TMEFF1: variants seen among roughly 807,000 people sequenced by gnomAD.
The protein encoded by TMEFF1 is transmembrane protein with EGF like and two follistatin like domains 1.
TMEFF1 carries 20 observed loss-of-function variants against 47.5 expected under a neutral mutation model. The ratio of observed to expected loss-of-function variants is 0.42; its 90% confidence interval spans 0.30 to 0.61. The LOEUF (loss-of-function observed/expected upper bound fraction) is 0.61, where lower values mean the gene tolerates loss of function less well. TMEFF1 is among the 20% of genes least tolerant of loss of function. The pLI, the probability that TMEFF1 is intolerant of heterozygous loss-of-function variation, is 0.19. For missense variants in TMEFF1, 411 were observed against 471.1 expected (o/e 0.87, Z 1.18); for synonymous variants, 162 against 166.3 (o/e 0.97, Z 0.20).
intron 3 of TMEFF1, among the ~76,000 whole-genome samples, chr9:100,510,013 A>G (rs748293408): frequency 2.0e-5 from 3 of 152,150 alleles, no homozygotes; most frequent in East Asian, 1.9e-4. Context: ...GAATTATTAT[A>G]TCAAGGTTAG....
chr9:100,547,412 G>C (rs1186528795), intron 5 of TMEFF1, among the ~76,000 whole-genome samples: 1 of 152,106 alleles, frequency 6.6e-6, no homozygotes, highest in Non-Finnish European at 1.5e-5. Context: ...ATTTAGATTT[G>C]TGACTATTGA....
At chr9:100,517,327 A>G (rs1209049285) in intron 5 of TMEFF1, among the ~76,000 whole-genome samples, 1 of 152,200 alleles carries the variant, frequency 6.6e-6, no homozygotes, top group Non-Finnish European at 1.5e-5. Context: ...ACCTGGGAGC[A>G]TAAATGGATC....
At chr9:100,505,084 G>A (rs1837831075) in intron 2 of TMEFF1, among the ~76,000 whole-genome samples, 1 of 152,132 alleles carries the variant, frequency 6.6e-6, no homozygotes, top group Non-Finnish European at 1.5e-5. Context: ...GTCATCAGAT[G>A]TTTGTGTCTG....
chr9:100,516,883 T>A, intron 5 of TMEFF1, 112 bp downstream of exon 5: 4 of 1,052,548 alleles, frequency 3.8e-6, no homozygotes, highest in Middle Eastern at 2.7e-4. Context: ...TGTTTTCAAA[T>A]TTTTTTTTTG....
chr9:100,519,491 G>A lies in TMEFF1; in HGVS notation c.560+2720G>A, dbSNP rs543353136. ...TCACTTCAAAGATGAAATCATTGAC[G>A]ACTAAAGTCAGAGGGTTTGATGTGG... On this transcript the variant is annotated intron_variant, in intron 5 of 9. Transcript: ENST00000374879. 2.0e-5 allele frequency among the ~76,000 whole-genome samples: 3 copies of A among 151,926 alleles called. No homozygotes were observed. In the South Asian group the frequency reaches 6.3e-4, roughly 32 times the overall value.
chr9:100,540,087 C>T (rs1838600240), intron 5 of TMEFF1, among the ~76,000 whole-genome samples: 1 of 152,108 alleles, frequency 6.6e-6, no homozygotes, highest in Admixed American at 6.5e-5. Context: ...TTTAGCTAGA[C>T]AGAAAAGTTC....
At chr9:100,546,155 A>G (rs1358292552) in intron 5 of TMEFF1, among the ~76,000 whole-genome samples, 5 of 152,136 alleles carry the variant, frequency 3.3e-5, no homozygotes, top group African/African-American at 1.2e-4. Context: ...AGTTTATTGT[A>G]TTAATCTGTT....
At chr9:100,527,297 C>A (rs1838280453) in intron 5 of TMEFF1, among the ~76,000 whole-genome samples, 1 of 152,206 alleles carries the variant, frequency 6.6e-6, no homozygotes, top group African/African-American at 2.4e-5. Context: ...CCACGCAGAA[C>A]ACGGTGATTT....
intron 5 of TMEFF1, among the ~76,000 whole-genome samples, chr9:100,529,038 T>C (rs879747406): frequency 0.049 from 7,374 of 149,680 alleles, 244 homozygotes; most frequent in Middle Eastern, 0.083. Context: ...GACAAGCAAA[T>C]GCTGAGAGAT....
chr9:100,519,365 G>A (rs537815941), intron 5 of TMEFF1, among the ~76,000 whole-genome samples: 198 of 151,996 alleles, frequency 1.3e-3, no homozygotes, highest in African/African-American at 4.6e-3. Context: ...CCAAGATTGC[G>A]CCACTGTACT....
In TMEFF1 at chr9:100,525,565, C is replaced by G. The variant is rs187044641; in HGVS notation, c.560+8794C>G. ...CTCCCTCACCGGAAGCTCCCGAACC[C>G]CCCGTATTCTGAGTTTTTAAACTGA... On this transcript the variant is annotated intron_variant, in intron 5 of 9. Transcript: ENST00000374879. 5.9e-3 allele frequency among the ~76,000 whole-genome samples: 904 copies of G among 152,042 alleles called. 7 individuals are homozygous for G. Among genetic ancestry groups the G allele is most frequent in the South Asian group, 0.018 (88 of 4,796 alleles).
chr9:100,548,752 G>A (rs1334365805), intron 6 of TMEFF1, among the ~76,000 whole-genome samples: 1 of 152,178 alleles, frequency 6.6e-6, no homozygotes, highest in African/African-American at 2.4e-5. Context: ...AATTATTTGT[G>A]ACACACTACA....
intron 5 of TMEFF1, among the ~76,000 whole-genome samples, chr9:100,541,454 A>G (rs1483386985): frequency 1.3e-5 from 2 of 149,656 alleles, no homozygotes; most frequent in African/African-American, 2.5e-5. Flanking sequence ...GCTCACCACA[A>G]CTTCTGCCTC....
chr9:100,545,887 CAA>C (rs1587848921), intron 5 of TMEFF1, among the ~76,000 whole-genome samples: 2 of 152,198 alleles, frequency 1.3e-5, no homozygotes, highest in Non-Finnish European at 2.9e-5. Flanking sequence ...TAAAACATAA[CAA>C]GAGTCACTTT....
chr9:100,483,608 C>G (rs1362252796), intron 1 of TMEFF1, among the ~76,000 whole-genome samples: 1 of 152,210 alleles, frequency 6.6e-6, no homozygotes, highest in East Asian at 1.9e-4. Flanking sequence ...TCCTTGACTT[C>G]TCAGTCTCCA....
chr9:100,495,399 TC>T (rs1162937838), intron 1 of TMEFF1, among the ~76,000 whole-genome samples: 2 of 152,214 alleles, frequency 1.3e-5, no homozygotes, highest in Non-Finnish European at 2.9e-5. Context: ...TCTTGTTTTT[TC>T]TGACACTGCA....
intron 5 of TMEFF1, among the ~76,000 whole-genome samples, chr9:100,546,759 A>G (rs1034114518): frequency 7.2e-5 from 11 of 152,162 alleles, no homozygotes; most frequent in African/African-American, 2.7e-4. Flanking sequence ...AAAGGTTCCT[A>G]GTCCTCTGTG....
rs754155069 is a variant in TMEFF1, at chr9:100,572,642, G to A, written c.1024G>A (p.Ala342Thr). ...IAAIIGAVQIAIIVAIVMCIT... is the reference protein window; with the variant it reads ...IAAIIGAVQITIIVAIVMCIT... ...AGCAATTATTGGAGCTGTACAGATT[G>A]CCATCATAGTAGCAATTGTAATGTG... is the stretch of plus-strand genomic sequence containing the variant. Residue 342 changes from alanine to threonine, a missense_variant, in exon 9 of 10, where the codon GCC (alanine) becomes ACC (threonine). Physicochemically the swap from Ala to Thr is moderately conservative, Grantham distance 58. Transcript: ENST00000374879. The A allele has an allele frequency of 1.5e-5, 24 of 1,612,128 alleles. No homozygotes were observed. Among genetic ancestry groups the A allele is most frequent in the Non-Finnish European group, 2.0e-5 (24 of 1,179,330 alleles).
intron 2 of TMEFF1, among the ~76,000 whole-genome samples, chr9:100,504,155 G>A (rs1837815310): frequency 6.6e-6 from 1 of 152,168 alleles, no homozygotes; most frequent in African/African-American, 2.4e-5. Context: ...CAACAAGGGT[G>A]GCAATATAGA....
Sources: allele counts gnomAD v4.1 joint callset (sites outside exome capture counted in the v4.1 genomes callset), GRCh38; gene constraint gnomAD v4.1.1; transcripts MANE v1.5; gene names NCBI Gene and HGNC (gene_info 2026-07-23, HGNC 2026-07-21).